Variants in EYA4 observed in about 807,000 individuals in gnomAD.
EYA4 encodes EYA transcriptional coactivator and phosphatase 4.
A neutral mutation model predicts 87.9 loss-of-function variants in EYA4; 31 were observed. That is an observed-to-expected ratio of 0.35 (90% CI 0.27 to 0.48). The LOEUF is 0.48. EYA4 is among the 20% of genes least tolerant of loss of function. EYA4 has a pLI of 0.99. For missense variants in EYA4, 678 were observed against 761.4 expected (o/e 0.89, Z 1.29); for synonymous variants, 263 against 270.6 (o/e 0.97, Z 0.28).
At chr6:133,454,049 GGTCTCAAAGTT>G (rs1793697135) in intron 5 of EYA4, among the ~76,000 whole-genome samples, 1 of 151,946 alleles carries the variant, frequency 6.6e-6, no homozygotes, top group Non-Finnish European at 1.5e-5. Context: ...TTTGAAATTG[GGTCTCAAAGTT>G]GAAATTCAAA....
At chr6:133,526,195 A>G (rs1583571022) in intron 19 of EYA4, among the ~76,000 whole-genome samples, 1 of 152,202 alleles carries the variant, frequency 6.6e-6, no homozygotes, top group East Asian at 1.9e-4. Context: ...GAAAAATATC[A>G]TCTACCCAAG....
At chr6:133,382,491 G>C in intron 3 of EYA4, 50 bp downstream of exon 3, 1 of 1,234,770 alleles carries the variant, frequency 8.1e-7, no homozygotes, top group Non-Finnish European at 1.2e-6. Flanking sequence ...TGCAGTTTCG[G>C]AGCACTAGTA....
chr6:133,341,387 T>C (rs1233401057), intron 2 of EYA4, among the ~76,000 whole-genome samples: 1 of 152,192 alleles, frequency 6.6e-6, no homozygotes, highest in African/African-American at 2.4e-5. Flanking sequence ...CCTACCATGT[T>C]CCAAACACTT....
intron 2 of EYA4, among the ~76,000 whole-genome samples, chr6:133,293,368 CT>C (rs565026148): frequency 4.4e-4 from 67 of 152,080 alleles, no homozygotes; most frequent in African/African-American, 1.5e-3. Context: ...TGATGAATTC[CT>C]TTTTTTATAT....
intron 3 of EYA4, among the ~76,000 whole-genome samples, chr6:133,384,723 AT>A (rs1349992705): frequency 6.6e-6 from 1 of 152,152 alleles, no homozygotes; most frequent in East Asian, 1.9e-4. Context: ...TGGATCCTGT[AT>A]TTATTCCCCA....
At chr6:133,267,387 C>CT (rs1052464399) in intron 1 of EYA4, among the ~76,000 whole-genome samples, 176 of 146,388 alleles carry the variant, frequency 1.2e-3, no homozygotes, top group Non-Finnish European at 1.5e-3. Flanking sequence ...CACTTTTCCA[C>CT]TTTTTTTTTT....
At chr6:133,348,412 G>T (rs1783379771) in intron 2 of EYA4, among the ~76,000 whole-genome samples, 1 of 151,594 alleles carries the variant, frequency 6.6e-6, no homozygotes, top group African/African-American at 2.4e-5. Context: ...TAGCTGGCAT[G>T]CGCCACCATG....
At chr6:133,426,207 G>T (rs1230489700) in intron 3 of EYA4, among the ~76,000 whole-genome samples, 1 of 142,290 alleles carries the variant, frequency 7.0e-6, no homozygotes, top group East Asian at 2.3e-4. Context: ...TTCCATGCTA[G>T]ACTGTGACCA....
chr6:133,296,128 G>A (rs1028856705), intron 2 of EYA4, among the ~76,000 whole-genome samples: 3 of 152,180 alleles, frequency 2.0e-5, no homozygotes, highest in African/African-American at 7.2e-5. Context: ...TGAGGAAACA[G>A]CCTACAAGCA....
intron 2 of EYA4, among the ~76,000 whole-genome samples, chr6:133,375,628 G>A (rs950775533): frequency 3.3e-5 from 5 of 151,454 alleles, no homozygotes; most frequent in African/African-American, 1.2e-4. Context: ...TGTATCAGTC[G>A]GTTATCAATT....
chr6:133,454,231 T>G (rs949555391), intron 5 of EYA4, among the ~76,000 whole-genome samples: 1 of 152,180 alleles, frequency 6.6e-6, no homozygotes, highest in Admixed American at 6.5e-5. Flanking sequence ...TAAATAGGAA[T>G]TTAGCTGCAA....
chr6:133,488,603 T>C (rs575355211), intron 13 of EYA4, among the ~76,000 whole-genome samples: 57 of 152,302 alleles, frequency 3.7e-4, no homozygotes, highest in African/African-American at 1.3e-3. Flanking sequence ...CAAAAGTCTC[T>C]GCCTGGTAAT....
intron 2 of EYA4, among the ~76,000 whole-genome samples, chr6:133,368,034 G>C (rs1407811865): frequency 1.3e-5 from 2 of 152,098 alleles, no homozygotes; most frequent in Non-Finnish European, 2.9e-5. Flanking sequence ...AGACATCTCT[G>C]TTTATAAAAT....
At chr6:133,420,072 A>G (rs1052543296) in intron 3 of EYA4, among the ~76,000 whole-genome samples, 4 of 152,152 alleles carry the variant, frequency 2.6e-5, no homozygotes, top group African/African-American at 9.7e-5. Context: ...TATTTGGGCA[A>G]ATGACACCAC....
chr6:133,431,460 T>A (rs2128586199), intron 3 of EYA4, among the ~76,000 whole-genome samples: 1 of 152,330 alleles, frequency 6.6e-6, no homozygotes, highest in Non-Finnish European at 1.5e-5. Context: ...AATAGCACTG[T>A]CAGATCTACT....
At chr6:133,468,511 G>A in intron 10 of EYA4, 55 bp from the exon 11 acceptor site, 1 of 1,371,162 alleles carries the variant, frequency 7.3e-7, no homozygotes, top group Admixed American at 1.7e-5. Flanking sequence ...TTTCTTGGGA[G>A]AGTATTAAAG....
chr6:133,363,343 G>A (rs991668685), intron 2 of EYA4: 1 of 152,252 alleles, frequency 6.6e-6, no homozygotes, highest in South Asian at 2.1e-4. Context: ...GCTGATTGGA[G>A]CCTCTTGCAA....
intron 11 of EYA4, among the ~76,000 whole-genome samples, chr6:133,469,518 A>G (rs1795144847): frequency 6.6e-6 from 1 of 152,052 alleles, no homozygotes; most frequent in African/African-American, 2.4e-5. Flanking sequence ...ATGAAACACA[A>G]TGGAGAGTCC....
intron 18 of EYA4, 61 bp downstream of exon 18, chr6:133,523,238 T>C: frequency 6.4e-7 from 1 of 1,562,284 alleles, no homozygotes; most frequent in Non-Finnish European, 8.8e-7. Context: ...CTCTGCCTAG[T>C]TCCCTTTTTC....
Sources: allele counts gnomAD v4.1 joint callset (sites outside exome capture counted in the v4.1 genomes callset), GRCh38; gene constraint gnomAD v4.1.1; transcripts MANE v1.5; gene names NCBI Gene and HGNC (gene_info 2026-07-23, HGNC 2026-07-21).